BRWD1: variants seen among roughly 807,000 people sequenced by gnomAD.
The protein encoded by BRWD1 is bromodomain and WD repeat domain containing 1, also known as bromodomain and WD repeat-containing protein 1.
Under a neutral mutation model 251.2 loss-of-function variants are expected in BRWD1, and 82 were observed. The ratio of observed to expected loss-of-function variants is 0.33; its 90% CI spans 0.27 to 0.39. The LOEUF (loss-of-function observed/expected upper bound fraction) is 0.39. Ranked by LOEUF, BRWD1 falls within the 10% of genes least tolerant of loss-of-function variation. The probability of loss-of-function intolerance (pLI) is 1.00; values close to 1 mark genes in which losing one functional copy is unlikely to be tolerated. For missense variants in BRWD1, 2,233 were observed against 2,711.6 expected, an observed-to-expected ratio of 0.82 and a Z score of 3.92; for synonymous variants, 918 against 902.8, an observed-to-expected ratio of 1.02 and a Z score of -0.30.
rs1238976774 is a variant in BRWD1 at position 39,312,905 on chromosome 21, A to G, written c.139-5T>C. On this transcript the variant is annotated splice_polypyrimidine_tract_variant and splice_region_variant and intron_variant, in intron 3 of 40. Transcript: ENST00000342449. ...GTCCAATCTCTTCGGCAACAACTGG[A>G]AAGACACGAAACGCACACGAGTGAC... The G allele has an allele frequency of 1.3e-6, 2 of 1,482,660 alleles. No homozygotes were observed. The highest frequency in any genetic ancestry group is 1.8e-6 in the Non-Finnish European group (2 of 1,109,466). 91.8% of individuals were successfully genotyped at this position (1,482,660 alleles called of 1,614,324 possible). A position where few individuals can be genotyped will look rare whatever the true frequency, so the allele number is the denominator to read the frequency against.
intron 29 of BRWD1, among the ~76,000 whole-genome samples, chr21:39,218,998 TAC>T: frequency 6.6e-6 from 1 of 151,950 alleles, no homozygotes; most frequent in South Asian, 2.1e-4. Flanking sequence ...TAAGCTTACA[TAC>T]AGTTAAAATT....
At chr21:39,316,255 G>A (rs2036697378), upstream of BRWD1, among the ~76,000 whole-genome samples, 1 of 152,130 alleles carries the variant, frequency 6.6e-6, no homozygotes, top group Admixed American at 6.5e-5. Flanking sequence ...GATGAAGTTG[G>A]GGTGAAATAA....
In BRWD1 at chr21:39,313,557, T is replaced by G; in HGVS notation, c.-66A>C. The G allele has an allele frequency of 5.6e-6, 7 of 1,248,720 alleles. No individual in the cohort carries two copies. The highest frequency in any genetic ancestry group is 7.1e-6 in the Non-Finnish European group (7 of 988,798). The allele number at this position is 1,248,720 out of a possible 1,614,324, so 77.4% of individuals were successfully genotyped here. A position where few individuals can be genotyped will look rare whatever the true frequency, so the allele number is the denominator to read the frequency against. On this transcript the variant is annotated 5_prime_UTR_variant, in exon 1 of 41. Transcript: ENST00000342449. Reference sequence around the variant, plus strand: ...GGAGCGTGTAGGCCGCGCCGAGGCCTGACCGGGCTGGCGTCCCCTCTTCTC... The same window carrying G: ...GGAGCGTGTAGGCCGCGCCGAGGCCGGACCGGGCTGGCGTCCCCTCTTCTC...
In BRWD1 at chr21:39,199,426, G is replaced by C. The variant is rs756970607; in HGVS notation, c.4990C>G (p.Arg1664Gly). 2 of 1,614,048 alleles carry C rather than the reference G, an allele frequency of 1.2e-6. No homozygotes were observed. The highest frequency in any genetic ancestry group is 1.7e-6 in the Non-Finnish European group (2 of 1,180,046). The change falls in exon 40 of 41, where the codon CGC becomes GGC. Residue 1664 changes from arginine to glycine, a missense_variant. This residue lies in a region of BRWD1 where 928 missense variants were observed against 970.0 expected (regional missense o/e 0.96). Coordinates refer to ENST00000342449, the MANE Select transcript of BRWD1 (RefSeq NM_033656.4). Reference protein sequence around the residue: ...SVCSGRKLPHRNASAVARKKL... With the variant: ...SVCSGRKLPHGNASAVARKKL... ...TTTCTAGCTACAGCAGAAGCATTGC[G>C]GTGAGGCAGCTTCCGACCAGAACAG...
chr21:39,211,819 AAATT>A (rs2032671957), intron 34 of BRWD1, among the ~76,000 whole-genome samples: 1 of 152,220 alleles, frequency 6.6e-6, no homozygotes, highest in Non-Finnish European at 1.5e-5. Flanking sequence ...CACATGGTAT[AAATT>A]AATATTTCAT....
At chr21:39,272,190 T>A (rs1176847183) in intron 13 of BRWD1, among the ~76,000 whole-genome samples, 1 of 151,300 alleles carries the variant, frequency 6.6e-6, no homozygotes, top group African/African-American at 2.4e-5. Context: ...ATCCCAGATC[T>A]TTGGGAGGGC....
At chr21:39,227,950 C>T (rs4816619) in intron 27 of BRWD1, among the ~76,000 whole-genome samples, 141,022 of 152,210 alleles carry the variant, frequency 0.93, 65,674 homozygotes, top group African/African-American at 0.97. Flanking sequence ...CTTTTCCAAA[C>T]GTCATGAACC....
intron 9 of BRWD1, among the ~76,000 whole-genome samples, chr21:39,279,906 TG>T (rs925326042): frequency 1.3e-5 from 2 of 152,162 alleles, no homozygotes; most frequent in African/African-American, 4.8e-5. Flanking sequence ...TGCCTTACTT[TG>T]TCTTTGCAAA....
chr21:39,215,149 G>A (rs1465936078), intron 32 of BRWD1, 88 bp downstream of exon 32: 8 of 1,362,052 alleles, frequency 5.9e-6, no homozygotes, highest in South Asian at 2.5e-5. Flanking sequence ...GGATTAACAG[G>A]CATGAGCCAC....
At chr21:39,228,453 C>A (rs1437367861) in intron 27 of BRWD1, 47 bp downstream of exon 27, 1 of 1,310,496 alleles carries the variant, frequency 7.6e-7, no homozygotes, top group Non-Finnish European at 1.1e-6. Context: ...ACCAATAAAA[C>A]AGATTAATTT....
Position 39,264,445 on chromosome 21 carries a change from A to T in BRWD1, c.1885+15T>A. 1.4e-6 allele frequency: 2 copies of T among 1,420,836 alleles called. No homozygotes were observed. The highest frequency in any genetic ancestry group is 1.9e-6 in the Non-Finnish European group (2 of 1,056,864). The allele number at this position is 1,420,836 out of a possible 1,614,324, so 88.0% of individuals were successfully genotyped here. A position where few individuals can be genotyped will look rare whatever the true frequency, so the allele number is the denominator to read the frequency against. On this transcript the variant is annotated intron_variant, in intron 17 of 40. Coordinates refer to ENST00000342449, the MANE Select transcript of BRWD1 (RefSeq NM_033656.4). ...TACAACTTTAAAAAAAAAAAAAAAA[A>T]AAGACTGCACTTACTTGTTGCCACA...
chr21:39,315,284 C>G (rs1050244660), upstream of BRWD1, among the ~76,000 whole-genome samples: 13 of 151,838 alleles, frequency 8.6e-5, no homozygotes, highest in Non-Finnish European at 1.6e-4. Context: ...GGATTACATG[C>G]ATGAGCCACT....
chr21:39,204,348 T>A (rs1433706716), intron 37 of BRWD1, among the ~76,000 whole-genome samples: 1 of 151,624 alleles, frequency 6.6e-6, no homozygotes, highest in Non-Finnish European at 1.5e-5. Context: ...AGGGATATAC[T>A]GCACAGTTGA....
chr21:39,301,866 A>G (rs1370771833), intron 4 of BRWD1, among the ~76,000 whole-genome samples: 2 of 150,264 alleles, frequency 1.3e-5, no homozygotes, highest in Admixed American at 6.6e-5. Context: ...AGGAAGGCAT[A>G]AGGCAGTAGA....
chr21:39,257,760 TCTTA>T (rs2034607010), intron 18 of BRWD1, among the ~76,000 whole-genome samples: 1 of 152,102 alleles, frequency 6.6e-6, no homozygotes, highest in African/African-American at 2.4e-5. Flanking sequence ...GTGTCACAAG[TCTTA>T]CTTTCAAATG....
intron 36 of BRWD1, among the ~76,000 whole-genome samples, chr21:39,207,485 A>ACACACACACACACACACACACACACAC (rs1350272514): frequency 8.3e-6 from 1 of 120,152 alleles, no homozygotes; most frequent in African/African-American, 3.3e-5. Flanking sequence ...CACACACACA[A>ACACACACACACACACACACACACACAC]ACAAAACTCC....
intron 38 of BRWD1, among the ~76,000 whole-genome samples, chr21:39,201,821 A>C (rs1471440435): frequency 4.6e-5 from 7 of 152,204 alleles, no homozygotes. Context: ...GATATGTATA[A>C]ATGATTCAAT....
intron 21 of BRWD1, among the ~76,000 whole-genome samples, chr21:39,239,341 G>A (rs2033914699): frequency 6.6e-6 from 1 of 152,006 alleles, no homozygotes; most frequent in Non-Finnish European, 1.5e-5. Context: ...TTAAGCTTAT[G>A]ATTCATTTTG....
At chr21:39,272,116 G>C (rs73209833) in intron 13 of BRWD1, among the ~76,000 whole-genome samples, 4,181 of 151,444 alleles carry the variant, frequency 0.028, 104 homozygotes, top group South Asian at 0.04. Context: ...AGATTGATTG[G>C]TGTTGAGGGT....
Sources: allele counts gnomAD v4.1 joint callset (sites outside exome capture counted in the v4.1 genomes callset), GRCh38; gene constraint gnomAD v4.1.1; regional missense constraint gnomAD v4.1.1; transcripts MANE v1.5; gene names NCBI Gene and HGNC (gene_info 2026-07-23, HGNC 2026-07-21).